Variants in LIN7B observed in about 807,000 individuals in gnomAD.
LIN7B encodes protein lin-7 homolog B.
LIN7B carries 16 observed loss-of-function variants against 27.9 expected under a neutral mutation model. The observed-to-expected ratio is 0.57, with a 90% CI of 0.39 to 0.87. The LOEUF is 0.87. Ranked by LOEUF, LIN7B falls within the 40% of genes least tolerant of loss-of-function variation. The pLI is 0.00. For missense variants in LIN7B, 291 were observed against 288.5 expected (o/e 1.01, Z -0.06); for synonymous variants, 147 against 120.8 (o/e 1.22, Z -1.42).
chr19:49,115,762 G>A (rs138462466), intron 3 of LIN7B: 9,918 of 158,126 alleles, frequency 0.063, 510 homozygotes, highest in Admixed American at 0.16. Flanking sequence ...GAGGCAGGTG[G>A]ATCAGTTGAG....
chr19:49,117,070 A>C (rs2040837581), intron 4 of LIN7B, among the ~76,000 whole-genome samples: 1 of 151,862 alleles, frequency 6.6e-6, no homozygotes, highest in South Asian at 2.1e-4. Flanking sequence ...ACATGGTGAA[A>C]TCCCATCTCT....
chr19:49,114,976 C>T lies in LIN7B; in HGVS notation c.156+9C>T, dbSNP rs957151013. 1.4e-6 allele frequency: 2 copies of T among 1,407,784 alleles called. No individual in the cohort carries two copies. Among genetic ancestry groups the T allele is most frequent in the African/African-American group, 1.5e-5 (1 of 67,168 alleles). 87.2% of individuals were successfully genotyped at this position (1,407,784 alleles called of 1,614,324 possible). A position where few individuals can be genotyped will look rare whatever the true frequency, so the allele number is the denominator to read the frequency against. On this transcript the variant is annotated intron_variant, in intron 2 of 5. Transcript: ENST00000221459. The stretch of plus-strand genomic sequence containing the variant: ...GCTCCGCTATCCGAGAGGTGAGGGG[C>T]GCGCGGCGCAGGGGCGCGAGCTGGT...
chr19:49,116,214 A>T, intron 3 of LIN7B, 49 bp from the exon 4 acceptor site: 1 of 1,553,990 alleles, frequency 6.4e-7, no homozygotes, highest in Non-Finnish European at 8.8e-7. Flanking sequence ...CCCAGCTTTC[A>T]TGCCTACCTG....
Position 49,118,377 on chromosome 19 carries a change from C to T in LIN7B, c.*4C>T. ...GTCCTTGGAGTCTCGAGGTTGAAACCACAGATCTGGACGTTCACGTGCACT... is the reference window on the plus strand; with the variant it reads ...GTCCTTGGAGTCTCGAGGTTGAAACTACAGATCTGGACGTTCACGTGCACT... On this transcript the variant is annotated 3_prime_UTR_variant, in exon 6 of 6. Transcript: ENST00000221459. 1 of 1,614,118 alleles carries T rather than the reference C, an allele frequency of 6.2e-7. No homozygotes were observed. The highest frequency in any genetic ancestry group is 8.5e-7 in the Non-Finnish European group (1 of 1,179,950).
intron 1 of LIN7B, 127 bp downstream of exon 1, chr19:49,114,568 G>A: frequency 1.3e-6 from 1 of 745,904 alleles, no homozygotes; most frequent in Non-Finnish European, 1.8e-6. Flanking sequence ...GGGCGGGGCG[G>A]GCGCCGGGGC....
intron 1 of LIN7B, 138 bp downstream of exon 1, chr19:49,114,579 C>T (rs1002086671): frequency 2.2e-5 from 14 of 648,704 alleles, no homozygotes; most frequent in African/African-American, 1.9e-4. Context: ...GCGCCGGGGC[C>T]GGGCGGTCGC....
At position 49,114,449 on chromosome 19, in the gene LIN7B, T is replaced by C. The variant is rs10419132; in HGVS notation, c.37+8T>C. On this transcript the variant is annotated splice_region_variant and intron_variant, in intron 1 of 5. Coordinates refer to ENST00000221459, the MANE Select transcript of LIN7B (RefSeq NM_022165.3). ...CGCTGGGGCTGGAGCGGGGTAAGCG[T>C]GCGCCAGGGGGCCCTGCCCACCCGG... 450,339 of 1,206,518 alleles carry C rather than the reference T, an allele frequency of 0.37. 85,062 individuals carry two copies. Among genetic ancestry groups the C allele is most frequent in the African/African-American group, 0.45 (28,619 of 63,362 alleles). The allele number at this position is 1,206,518 out of a possible 1,614,324, so 74.7% of individuals were successfully genotyped here.
chr19:49,114,991 C>G lies in LIN7B; in HGVS notation c.156+24C>G, dbSNP rs1324783453. ...AGGTGAGGGGCGCGCGGCGCAGGGG[C>G]GCGAGCTGGTGGCCGTCGTCCTCCT... On this transcript the variant is annotated intron_variant, in intron 2 of 5. Transcript: ENST00000221459. The G allele has an allele frequency of 4.4e-6, 6 of 1,362,512 alleles. No individual in the cohort carries two copies. In the Middle Eastern group the frequency reaches 7.6e-4, roughly 173 times the overall value. The allele number at this position is 1,362,512 out of a possible 1,614,324, so 84.4% of individuals were successfully genotyped here. A position where few individuals can be genotyped will look rare whatever the true frequency, so the allele number is the denominator to read the frequency against.
At chr19:49,116,116 G>C in intron 3 of LIN7B, 147 bp from the exon 4 acceptor site, 1 of 629,548 alleles carries the variant, frequency 1.6e-6, no homozygotes, top group Admixed American at 2.9e-5. Flanking sequence ...GTCATTACAG[G>C]GGGATCGTGC....
Position 49,115,330 on chromosome 19 carries a change from A to G in LIN7B, c.227A>G (p.Lys76Arg), listed in dbSNP as rs2040808165. The change falls in exon 3 of 6, where the codon AAG becomes AGG. Residue 76 changes from lysine to arginine, a missense_variant and splice_region_variant. Lys to Arg is a conservative substitution (Grantham distance 26). Coordinates refer to ENST00000221459, the MANE Select transcript of LIN7B (RefSeq NM_022165.3). ...SAEIRAHATA[K>R]ATVAAFTASE... Reference sequence around the variant, plus strand: ...GAGATCCGAGCCCATGCCACAGCCAAGGTGGGCCCCGCACCCCATTGCTCC... The same window carrying G: ...GAGATCCGAGCCCATGCCACAGCCAGGGTGGGCCCCGCACCCCATTGCTCC... The G allele has an allele frequency of 6.4e-7, 1 of 1,570,530 alleles. No individual in the cohort carries two copies. Among genetic ancestry groups the G allele is most frequent in the Non-Finnish European group, 8.6e-7 (1 of 1,156,806 alleles).
chr19:49,117,347 G>C (rs1225093164), intron 4 of LIN7B, among the ~76,000 whole-genome samples: 1 of 151,974 alleles, frequency 6.6e-6, no homozygotes, highest in East Asian at 1.9e-4. Context: ...GTGCCAGCCT[G>C]AGAAGCTGGG....
chr19:49,115,248 C>T lies in LIN7B; in HGVS notation c.157-12C>T, dbSNP rs1225439306. 3.9e-6 allele frequency: 6 copies of T among 1,549,912 alleles called. No homozygotes were observed. Among genetic ancestry groups the T allele is most frequent in the Non-Finnish European group, 5.2e-6 (6 of 1,145,716 alleles). On this transcript the variant is annotated splice_polypyrimidine_tract_variant and intron_variant, in intron 2 of 5. Coordinates refer to ENST00000221459, the MANE Select transcript of LIN7B (RefSeq NM_022165.3). ...GCTGGCGACTCCCTGATGCCGCTGCCTCCTCACCCAGGTGTATGAGCAGCT... is the reference window on the plus strand; with the variant it reads ...GCTGGCGACTCCCTGATGCCGCTGCTTCCTCACCCAGGTGTATGAGCAGCT...
chr19:49,118,318 C>T (rs2040870493), intron 5 of LIN7B, 34 bp from the exon 6 acceptor site: 1 of 1,613,422 alleles, frequency 6.2e-7, no homozygotes, highest in Non-Finnish European at 8.5e-7. Flanking sequence ...CGGAGCCTCC[C>T]TGATCCCGGG....
rs1212297930 is a variant in LIN7B at position 49,117,838 on chromosome 19, T to C, written c.439-17T>C. The C allele has an allele frequency of 1.2e-6, 2 of 1,610,236 alleles. No homozygotes were observed. Among genetic ancestry groups the C allele is most frequent in the Non-Finnish European group, 1.7e-6 (2 of 1,177,078 alleles). On this transcript the variant is annotated splice_polypyrimidine_tract_variant and intron_variant, in intron 4 of 5. Transcript: ENST00000221459. ...GCAGCGGGCCCCAGGCTCAGCTGTC[T>C]GTGTTGGGCCCTGCAGAGCGTTGAG...
In LIN7B at chr19:49,114,539, C is replaced by T. The variant is rs1053193725; in HGVS notation, c.37+98C>T. On this transcript the variant is annotated intron_variant, in intron 1 of 5. Transcript: ENST00000221459. ...CCGGGTCAGGCCAGTGCGGGTGGGC[C>T]AGCGGACCCGGAGGGGGTGGGCGGG... 8.3e-6 allele frequency: 8 copies of T among 969,064 alleles called. No individual in the cohort carries two copies. The African/African-American group carries it at 1.4e-4, about 17-fold the overall frequency. The allele number at this position is 969,064 out of a possible 1,614,324, so 60.0% of individuals were successfully genotyped here.
intron 1 of LIN7B, 137 bp downstream of exon 1, chr19:49,114,578 C>T: frequency 7.5e-6 from 5 of 664,168 alleles, no homozygotes; most frequent in Non-Finnish European, 1.1e-5. Context: ...GGCGCCGGGG[C>T]CGGGCGGTCG....
intron 1 of LIN7B, 79 bp from the exon 2 acceptor site, chr19:49,114,770 A>G: frequency 1.2e-6 from 1 of 831,466 alleles, no homozygotes; most frequent in Non-Finnish European, 1.7e-6. Flanking sequence ...GCTCGGCCTC[A>G]CTCCGCCGCT....
At chr19:49,117,271 C>CA (rs2040842828) in intron 4 of LIN7B, among the ~76,000 whole-genome samples, 1 of 145,078 alleles carries the variant, frequency 6.9e-6, no homozygotes, top group Admixed American at 6.8e-5. Flanking sequence ...AAACAAAACT[C>CA]ACTGTGGTTA....
chr19:49,116,683 T>C (rs941577159), intron 4 of LIN7B, among the ~76,000 whole-genome samples: 1 of 152,176 alleles, frequency 6.6e-6, no homozygotes, highest in Admixed American at 6.5e-5. Flanking sequence ...GCTGAAATAG[T>C]CCTAATCCAG....
Sources: allele counts gnomAD v4.1 joint callset (sites outside exome capture counted in the v4.1 genomes callset), GRCh38; gene constraint gnomAD v4.1.1; transcripts MANE v1.5; gene names NCBI Gene and HGNC (gene_info 2026-07-23, HGNC 2026-07-21).